Variants in SUGCT observed in about 807,000 individuals in gnomAD.
SUGCT encodes succinyl-CoA:glutarate-CoA transferase.
SUGCT carries 41 observed loss-of-function variants against 55.0 expected under a neutral mutation model. The observed-to-expected ratio is 0.74, with a 90% CI of 0.58 to 0.97. SUGCT has a LOEUF of 0.97. Among genes scored for constraint, SUGCT ranks in the 50% least tolerant of loss-of-function variants. SUGCT has a pLI of 0.00. For missense variants in SUGCT, 568 were observed against 547.8 expected (o/e 1.04, Z -0.37); for synonymous variants, 187 against 200.4 (o/e 0.93, Z 0.56).
the SUGCT span, among the ~76,000 whole-genome samples, chr7:40,972,824 T>C: frequency 6.6e-6 from 1 of 152,224 alleles, no homozygotes; most frequent in Non-Finnish European, 1.5e-5. Flanking sequence ...GTGAAATTAC[T>C]GGACCAAAGG....
At chr7:40,592,303 G>A (rs376658090) in intron 12 of SUGCT, among the ~76,000 whole-genome samples, 19 of 152,236 alleles carry the variant, frequency 1.2e-4, no homozygotes, top group Non-Finnish European at 2.6e-4. Flanking sequence ...TTATTTTGTG[G>A]CAGAGATTCA....
chr7:40,713,873 A>T (rs1162217407), intron 12 of SUGCT, among the ~76,000 whole-genome samples: 1 of 152,204 alleles, frequency 6.6e-6, no homozygotes, highest in Non-Finnish European at 1.5e-5. Flanking sequence ...ATATTCTCTT[A>T]ACCCTTTTGG....
At chr7:41,030,060 G>C in the SUGCT span, among the ~76,000 whole-genome samples, 42 of 152,122 alleles carry the variant, frequency 2.8e-4, no homozygotes, top group Non-Finnish European at 5.0e-4. Context: ...ATGCATTAAG[G>C]CTTCTCCATG....
At chr7:40,388,431 T>A (rs1306401099) in intron 9 of SUGCT, among the ~76,000 whole-genome samples, 2 of 152,166 alleles carry the variant, frequency 1.3e-5, no homozygotes, top group Non-Finnish European at 2.9e-5. Context: ...ATTTATTTAT[T>A]TTTGGAGACA....
intron 11 of SUGCT, among the ~76,000 whole-genome samples, chr7:40,489,266 G>T (rs1424727845): frequency 2.0e-5 from 3 of 148,530 alleles, no homozygotes; most frequent in Non-Finnish European, 4.5e-5. Context: ...TTTTGGGGTG[G>T]GGTTCACTTC....
intron 13 of SUGCT, among the ~76,000 whole-genome samples, chr7:40,766,019 CA>C (rs1788768726): frequency 1.3e-5 from 2 of 152,074 alleles, no homozygotes; most frequent in African/African-American, 4.8e-5. Flanking sequence ...TGGGAAAAGG[CA>C]AAAGTTTATT....
chr7:40,345,892 C>G (rs1376685573), intron 9 of SUGCT, among the ~76,000 whole-genome samples: 1 of 151,606 alleles, frequency 6.6e-6, no homozygotes, highest in Non-Finnish European at 1.5e-5. Context: ...ACTTTTACAT[C>G]TATTTTGAAA....
At chr7:40,207,375 C>T (rs377047892) in intron 6 of SUGCT, among the ~76,000 whole-genome samples, 5 of 152,218 alleles carry the variant, frequency 3.3e-5, no homozygotes, top group African/African-American at 9.6e-5. Flanking sequence ...CCTACCATCT[C>T]GCCCCCATTA....
intron 7 of SUGCT, among the ~76,000 whole-genome samples, chr7:40,242,171 T>TC (rs1196477703): frequency 2.0e-5 from 3 of 151,674 alleles, no homozygotes; most frequent in Non-Finnish European, 4.4e-5. Flanking sequence ...TCTTTTTTTT[T>TC]CTTTTCTTTT....
chr7:40,922,845 C>T, the SUGCT span, among the ~76,000 whole-genome samples: 9 of 152,206 alleles, frequency 5.9e-5, no homozygotes, highest in African/African-American at 2.2e-4. Flanking sequence ...CTATCTTTCC[C>T]CTCTTTGCCC....
chr7:40,657,509 A>AT (rs35835363), intron 12 of SUGCT, among the ~76,000 whole-genome samples: 65,015 of 151,468 alleles, frequency 0.43, 14,609 homozygotes, highest in Middle Eastern at 0.53. Flanking sequence ...CGTGAGGTAG[A>AT]TTTTTTTTTG....
chr7:40,971,032 TG>T, the SUGCT span, among the ~76,000 whole-genome samples: 113 of 152,270 alleles, frequency 7.4e-4, no homozygotes, highest in African/African-American at 2.6e-3. Flanking sequence ...TACCTGAGAC[TG>T]GGTAATTTAT....
chr7:40,528,906 A>G (rs1367558740), intron 12 of SUGCT, among the ~76,000 whole-genome samples: 1 of 152,216 alleles, frequency 6.6e-6, no homozygotes, highest in Admixed American at 6.5e-5. Flanking sequence ...TCTTCAAGCA[A>G]GCACCTTTTG....
At chr7:40,173,714 T>G (rs10259565) in intron 1 of SUGCT, among the ~76,000 whole-genome samples, 77,007 of 151,810 alleles carry the variant, frequency 0.51, 19,909 homozygotes, top group Middle Eastern at 0.65. Flanking sequence ...TCCCAGCTAG[T>G]CTTAGGAATT....
chr7:40,363,203 T>C (rs1798239319), intron 9 of SUGCT, among the ~76,000 whole-genome samples: 1 of 151,968 alleles, frequency 6.6e-6, no homozygotes, highest in Admixed American at 6.6e-5. Context: ...TCTTCTCTCT[T>C]TTTTTCTTTA....
chr7:40,373,819 T>C (rs1355819103), intron 9 of SUGCT, among the ~76,000 whole-genome samples: 1 of 152,118 alleles, frequency 6.6e-6, no homozygotes, highest in Admixed American at 6.6e-5. Context: ...ACAGGAGTGA[T>C]AGAAATCTGT....
chr7:40,348,111 C>T (rs1050580332), intron 9 of SUGCT, among the ~76,000 whole-genome samples: 1 of 152,218 alleles, frequency 6.6e-6, no homozygotes, highest in Non-Finnish European at 1.5e-5. Context: ...TGAAGTCCTG[C>T]ACGGGGGTTG....
At chr7:40,660,421 G>T (rs1408680273) in intron 12 of SUGCT, among the ~76,000 whole-genome samples, 1 of 152,082 alleles carries the variant, frequency 6.6e-6, no homozygotes, top group Non-Finnish European at 1.5e-5. Context: ...ACCATGTCTG[G>T]CTAATTTTTG....
chr7:40,917,175 G>T, the SUGCT span, among the ~76,000 whole-genome samples: 1 of 152,142 alleles, frequency 6.6e-6, no homozygotes, highest in African/African-American at 2.4e-5. Flanking sequence ...GAAGACTTTG[G>T]ACAAAAATTC....
Sources: gnomAD v4.1 joint callset for allele counts (sites outside exome capture counted in the v4.1 genomes callset) on GRCh38, gnomAD v4.1.1 for gene constraint, MANE v1.5 for transcripts, NCBI Gene and HGNC (gene_info 2026-07-23, HGNC 2026-07-21) for gene names.